The following MBNL2 variants were observed in gnomAD, a reference collection of about 807,000 sequenced individuals.
MBNL2 encodes muscleblind-like protein 2.
In MBNL2, 17 loss-of-function variants were observed where a neutral mutation model predicts 41.9. The observed-to-expected ratio is 0.41, with a 90% confidence interval of 0.28 to 0.61. The LOEUF (loss-of-function observed/expected upper bound fraction) is 0.61, where lower values mean the gene tolerates loss of function less well. MBNL2 is among the 20% of genes least tolerant of loss of function. The pLI, the probability that MBNL2 is intolerant of heterozygous loss-of-function variation, is 0.35. For missense variants in MBNL2, 336 were observed against 505.6 expected (o/e 0.66, Z 3.22); for synonymous variants, 195 against 182.9 (o/e 1.07, Z -0.53).
At chr13:97,363,161 C>T (rs1361557132) in intron 7 of MBNL2, 1 of 152,082 alleles carries the variant, frequency 6.6e-6, no homozygotes, top group Non-Finnish European at 1.5e-5. Flanking sequence ...ATTTGAGACA[C>T]TTATGAGACA....
intron 5 of MBNL2, among the ~76,000 whole-genome samples, chr13:97,352,035 T>TATAAATAAATAAATAA (rs146632066): frequency 0.015 from 2,216 of 148,708 alleles, 12 homozygotes; most frequent in African/African-American, 0.026. Context: ...AAAATAAAAA[T>TATAAATAAATAAATAA]ATAAATAAAT....
chr13:97,247,429 A>G (rs2045683530), intron 1 of MBNL2, among the ~76,000 whole-genome samples: 4 of 152,218 alleles, frequency 2.6e-5, no homozygotes, highest in Admixed American at 2.6e-4. Flanking sequence ...AAAGTGAGAT[A>G]GGAGAAGAGA....
intron 2 of MBNL2, among the ~76,000 whole-genome samples, chr13:97,313,756 G>A (rs773626567): frequency 6.6e-6 from 1 of 152,122 alleles, no homozygotes; most frequent in Non-Finnish European, 1.5e-5. Flanking sequence ...ATTCTTTCAA[G>A]GTCTGAGGCA....
At chr13:97,235,900 A>T (rs182128786) in intron 1 of MBNL2, among the ~76,000 whole-genome samples, 2 of 152,108 alleles carry the variant, frequency 1.3e-5, no homozygotes, top group Non-Finnish European at 2.9e-5. Context: ...AATCAAAACC[A>T]TATGTTCAAT....
chr13:97,292,063 T>G (rs2056193668), intron 2 of MBNL2, among the ~76,000 whole-genome samples: 1 of 151,060 alleles, frequency 6.6e-6, no homozygotes, highest in South Asian at 2.1e-4. Flanking sequence ...TAGCCGGGTG[T>G]GATGGCGGGC....
chr13:97,265,627 A>G (rs1016159462), intron 1 of MBNL2, among the ~76,000 whole-genome samples: 1 of 152,150 alleles, frequency 6.6e-6, no homozygotes, highest in Admixed American at 6.5e-5. Context: ...CTTTTAGTAA[A>G]AAAGTTATTT....
intron 8 of MBNL2, among the ~76,000 whole-genome samples, chr13:97,382,735 C>T (rs994305585): frequency 6.8e-6 from 1 of 146,928 alleles, no homozygotes; most frequent in Non-Finnish European, 1.5e-5. Context: ...AGTGCAGTGG[C>T]GCCATCTTGG....
chr13:97,293,835 A>T, intron 2 of MBNL2, among the ~76,000 whole-genome samples: 1 of 151,826 alleles, frequency 6.6e-6, no homozygotes, highest in East Asian at 1.9e-4. Flanking sequence ...TTTGGGGAAC[A>T]GGTGGTATTT....
chr13:97,212,869 G>A, the MBNL2 span, among the ~76,000 whole-genome samples: 7 of 152,114 alleles, frequency 4.6e-5, no homozygotes, highest in African/African-American at 1.7e-4. Context: ...TGATGTTTTC[G>A]CTGAAACATG....
Position 97,222,539 on chromosome 13 carries a change from A to C in MBNL2, c.-605+8A>C. 2.5e-6 allele frequency: 1 copy of C among 398,478 alleles called. No homozygotes were observed. The highest frequency in any genetic ancestry group is 4.4e-5 in the Admixed American group (1 of 22,724). 24.7% of individuals were successfully genotyped at this position (398,478 alleles called of 1,614,324 possible). A position where few individuals can be genotyped will look rare whatever the true frequency, so the allele number is the denominator to read the frequency against. ...CAGGCAGAGCTAAACAAGGTAGGAG[A>C]ATCGCCCCCCTTTTTTGAATGTTTA... On this transcript the variant is annotated splice_region_variant and intron_variant, in intron 1 of 8. Coordinates refer to ENST00000679496, the MANE Select transcript of MBNL2 (RefSeq NM_001382683.1).
intron 1 of MBNL2, among the ~76,000 whole-genome samples, chr13:97,249,189 A>G (rs955729737): frequency 6.6e-5 from 10 of 152,224 alleles, no homozygotes; most frequent in Non-Finnish European, 1.5e-4. Context: ...ATGTGTCCAG[A>G]CTTAGTGAGA....
chr13:97,264,079 C>T (rs891877266), intron 1 of MBNL2, among the ~76,000 whole-genome samples: 1 of 149,760 alleles, frequency 6.7e-6, no homozygotes, highest in Non-Finnish European at 1.5e-5. Context: ...GATGCAATCT[C>T]GACTCACTGC....
At chr13:97,260,954 CAGTA>C in intron 1 of MBNL2, among the ~76,000 whole-genome samples, 1 of 152,220 alleles carries the variant, frequency 6.6e-6, no homozygotes, top group Middle Eastern at 3.4e-3. Context: ...AAACACTTCT[CAGTA>C]AGTGTTTGTT....
chr13:97,323,645 A>ACCAGT (rs1409513923), intron 2 of MBNL2, among the ~76,000 whole-genome samples: 1 of 152,200 alleles, frequency 6.6e-6, no homozygotes, highest in East Asian at 1.9e-4. Context: ...AGGTCCTGGA[A>ACCAGT]CCAGTTCCCC....
chr13:97,382,379 C>A (rs1413608006), intron 8 of MBNL2, among the ~76,000 whole-genome samples: 1 of 152,172 alleles, frequency 6.6e-6, no homozygotes, highest in Non-Finnish European at 1.5e-5. Flanking sequence ...CTTTGGGATT[C>A]AAGAAACATA....
intron 2 of MBNL2, among the ~76,000 whole-genome samples, chr13:97,322,183 C>T (rs574488638): frequency 5.3e-5 from 8 of 152,276 alleles, no homozygotes; most frequent in African/African-American, 1.9e-4. Context: ...AAAGCCCACA[C>T]CTCTTCCCTG....
the MBNL2 span, among the ~76,000 whole-genome samples, chr13:97,167,351 C>T: frequency 4.0e-5 from 6 of 149,806 alleles, no homozygotes; most frequent in Non-Finnish European, 8.9e-5. Context: ...TTGCCATCAT[C>T]GTTGTCCAAA....
At position 97,334,387 on chromosome 13, in the gene MBNL2, A is replaced by G. The variant is rs762491129; in HGVS notation, c.286A>G (p.Met96Val). Reference protein sequence around the residue: ...NLIQQKTAAAMLAQQMQFMFP... With the variant: ...NLIQQKTAAAVLAQQMQFMFP... ...GATTCAGCAAAAAACTGCAGCAGCA[A>G]TGCTTGCCCAGCAGATGCAATTTAT... Residue 96 changes from methionine to valine, a missense_variant, in exon 3 of 9, where the codon ATG (methionine) becomes GTG (valine). Transcript: ENST00000679496. The surrounding 1 kb of genome is among the most constrained non-coding windows in gnomAD (Gnocchi z 5.3). 3 of 1,613,724 alleles carry G rather than the reference A, an allele frequency of 1.9e-6. No homozygotes were observed. Among genetic ancestry groups the G allele is most frequent in the South Asian group, 2.2e-5 (2 of 90,992 alleles).
chr13:97,318,152 T>C (rs1023388360), intron 2 of MBNL2, among the ~76,000 whole-genome samples: 2 of 152,176 alleles, frequency 1.3e-5, no homozygotes, highest in Admixed American at 1.3e-4. Flanking sequence ...AAAATGGGCA[T>C]AAAAATAAGA....
Sources: allele counts gnomAD v4.1 joint callset (sites outside exome capture counted in the v4.1 genomes callset), GRCh38; gene constraint gnomAD v4.1.1; non-coding constraint Gnocchi (gnomAD v3.1); transcripts MANE v1.5; gene names NCBI Gene and HGNC (gene_info 2026-07-23, HGNC 2026-07-21).